FUT8: variants seen among roughly 807,000 people sequenced by gnomAD.
The protein encoded by FUT8 is alpha-(1,6)-fucosyltransferase.
In FUT8, 29 loss-of-function variants were observed where a neutral mutation model predicts 71.3. The ratio of observed to expected loss-of-function variants is 0.41; its 90% confidence interval spans 0.30 to 0.55. FUT8 has a LOEUF of 0.55. Among genes scored for constraint, FUT8 ranks in the 20% least tolerant of loss-of-function variants. The pLI is 0.34. For synonymous variants in FUT8, 254 were observed against 239.3 expected, an observed-to-expected ratio of 1.06 and a Z score of -0.57; for missense variants, 544 against 702.1, an observed-to-expected ratio of 0.77 and a Z score of 2.55.
intron 2 of FUT8, among the ~76,000 whole-genome samples, chr14:65,469,495 T>G (rs779506668): frequency 0.025 from 3,853 of 152,358 alleles, 72 homozygotes; most frequent in Non-Finnish European, 0.041. Flanking sequence ...TAGAAACCTC[T>G]GTGGCCAGTG....
intron 6 of FUT8, among the ~76,000 whole-genome samples, chr14:65,644,543 A>G (rs1489904428): frequency 2.0e-5 from 3 of 151,620 alleles, no homozygotes; most frequent in Non-Finnish European, 4.4e-5. Context: ...TGTATTTTTT[A>G]GTAGAGACGG....
intron 2 of FUT8, chr14:65,488,550 TTCTTTG>T (rs1455439011): frequency 6.6e-6 from 1 of 152,256 alleles, no homozygotes; most frequent in Non-Finnish European, 1.5e-5. Context: ...TCCATGTGAT[TTCTTTG>T]TCTTTATGAG....
chr14:65,715,778 C>T (rs1226901351), intron 7 of FUT8, among the ~76,000 whole-genome samples: 1 of 151,886 alleles, frequency 6.6e-6, no homozygotes, highest in Non-Finnish European at 1.5e-5. Context: ...TAAAATTTAT[C>T]TTGTTACTGA....
rs117868239 is a variant in FUT8 at position 65,451,340 on chromosome 14, C to T, written c.-325-4281C>T. ...GTGCGCATATGAGTGGGTGCCGGAA[C>T]GGCCGGATGCTTTAGCCACAGCAGG... On this transcript the variant is annotated intron_variant, in intron 1 of 10. Coordinates refer to ENST00000673929, the MANE Select transcript of FUT8 (RefSeq NM_001371533.1). Among the ~76,000 whole-genome samples the T allele has an allele frequency of 5.7e-3, 876 of 152,358 alleles. 31 individuals are homozygous for T. The East Asian group carries it at 0.093, about 16-fold the overall frequency.
chr14:65,731,221 A>G (rs1326877112), intron 9 of FUT8, among the ~76,000 whole-genome samples: 1 of 152,244 alleles, frequency 6.6e-6, no homozygotes, highest in Non-Finnish European at 1.5e-5. Flanking sequence ...CACATATTAC[A>G]GTAAATTTAG....
chr14:65,530,292 C>T (rs1566805511), intron 2 of FUT8, among the ~76,000 whole-genome samples: 1 of 152,240 alleles, frequency 6.6e-6, no homozygotes, highest in East Asian at 1.9e-4. Context: ...ATAGGGCTCA[C>T]CTTTTTGTTT....
chr14:65,542,580 A>C (rs1158866761), intron 2 of FUT8, among the ~76,000 whole-genome samples: 1 of 152,216 alleles, frequency 6.6e-6, no homozygotes, highest in Admixed American at 6.5e-5. Flanking sequence ...TCATACATGC[A>C]GTAGTAAAGA....
At position 65,656,337 on chromosome 14, in the gene FUT8, C is replaced by G. The variant is rs1304898643; in HGVS notation, c.598-12906C>G. ...CAAATATCAGTATTGTTTCTATATG[C>G]CAACAGTGAGCAATCTGAAAAAGAA... On this transcript the variant is annotated intron_variant, in intron 6 of 10. Transcript: ENST00000673929. 6.6e-5 allele frequency among the ~76,000 whole-genome samples: 10 copies of G among 151,968 alleles called. No homozygotes were observed. In the South Asian group the frequency reaches 2.1e-3, roughly 32 times the overall value.
At chr14:65,525,171 C>T (rs559156315) in intron 2 of FUT8, among the ~76,000 whole-genome samples, 9 of 152,146 alleles carry the variant, frequency 5.9e-5, no homozygotes, top group South Asian at 2.1e-4. Flanking sequence ...TGGTAGAATT[C>T]GGTTGTGAAT....
intron 7 of FUT8, among the ~76,000 whole-genome samples, chr14:65,707,017 T>A (rs1894589254): frequency 6.6e-6 from 1 of 152,198 alleles, no homozygotes; most frequent in Admixed American, 6.5e-5. Context: ...TTTTAGAGCC[T>A]TAAAGTCTTG....
intron 9 of FUT8, among the ~76,000 whole-genome samples, chr14:65,724,764 A>G (rs983262784): frequency 1.3e-5 from 2 of 152,128 alleles, no homozygotes; most frequent in African/African-American, 4.8e-5. Flanking sequence ...CTTGGCTTGT[A>G]AGCAGCCACT....
intron 1 of FUT8, among the ~76,000 whole-genome samples, chr14:65,434,890 C>T (rs934716965): frequency 2.0e-5 from 3 of 152,078 alleles, no homozygotes; most frequent in African/African-American, 4.8e-5. Context: ...CACTGCGATA[C>T]ACAGTTCTAT....
intron 9 of FUT8, among the ~76,000 whole-genome samples, chr14:65,725,483 A>G (rs552832677): frequency 6.6e-6 from 1 of 152,316 alleles, no homozygotes; most frequent in African/African-American, 2.4e-5. Context: ...TAAATGAAGG[A>G]TGTATTAAAT....
chr14:65,409,126 A>T (rs2065099382), upstream of FUT8, among the ~76,000 whole-genome samples: 3 of 152,178 alleles, frequency 2.0e-5, no homozygotes, highest in South Asian at 6.2e-4. This position sits in a 1 kb window ranked among gnomAD's most constrained non-coding sequence, Gnocchi z 5.4. Context: ...AGATGGGTAA[A>T]ATGATTATCT....
chr14:65,693,544 G>A (rs1266493738), intron 7 of FUT8, among the ~76,000 whole-genome samples: 21 of 152,176 alleles, frequency 1.4e-4, no homozygotes. Context: ...GAGGGAGAGA[G>A]GGAGGGGGAG....
chr14:65,704,798 T>C (rs763227409), intron 7 of FUT8, among the ~76,000 whole-genome samples: 2 of 152,258 alleles, frequency 1.3e-5, no homozygotes, highest in Non-Finnish European at 2.9e-5. Context: ...TTGTCTTTTT[T>C]CTTTTGACAC....
intron 2 of FUT8, among the ~76,000 whole-genome samples, chr14:65,474,451 A>AAAAAAAAAAAAAAAAG (rs1237141104): frequency 6.8e-6 from 1 of 146,126 alleles, no homozygotes; most frequent in Non-Finnish European, 1.5e-5. Flanking sequence ...GAAAAAAAAA[A>AAAAAAAAAAAAAAAAG]AAAAAAGCCA....
chr14:65,464,030 C>T lies in FUT8; in HGVS notation c.-228+8312C>T, dbSNP rs564697692. 3.3e-5 allele frequency among the ~76,000 whole-genome samples: 5 copies of T among 152,298 alleles called. No individual in the cohort carries two copies. The South Asian group carries it at 1.0e-3, about 32-fold the overall frequency. On this transcript the variant is annotated intron_variant, in intron 2 of 10. Coordinates refer to ENST00000673929, the MANE Select transcript of FUT8 (RefSeq NM_001371533.1). ...GAAAAAAGGAAACAAAGGAGGAAAA[C>T]CGTGTTGAACACATATTTTTTCTTA...
chr14:65,677,155 C>CGCGT (rs1473165882), intron 7 of FUT8, among the ~76,000 whole-genome samples: 2 of 30,100 alleles, frequency 6.6e-5, no homozygotes, highest in Non-Finnish European at 1.6e-4. Context: ...TGTGTGTGCG[C>CGCGT]GCGCGCATGC....
Sources: allele counts gnomAD v4.1 joint callset (sites outside exome capture counted in the v4.1 genomes callset), GRCh38; gene constraint gnomAD v4.1.1; non-coding constraint Gnocchi (gnomAD v3.1); transcripts MANE v1.5; gene names NCBI Gene and HGNC (gene_info 2026-07-23, HGNC 2026-07-21).